The following ST6GAL2 variants were observed in gnomAD, a reference collection of about 807,000 sequenced individuals.
The protein encoded by ST6GAL2 is ST6 beta-galactoside alpha-2,6-sialyltransferase 2, also known as beta-galactoside alpha-2,6-sialyltransferase 2.
ST6GAL2 carries 24 observed loss-of-function variants against 37.5 expected under a neutral mutation model. That is an observed-to-expected ratio of 0.64 (90% CI 0.46 to 0.90). The LOEUF is 0.90. Ranked by LOEUF, ST6GAL2 falls within the 40% of genes least tolerant of loss-of-function variation. The probability of loss-of-function intolerance (pLI) is 0.00; values close to 1 mark genes in which losing one functional copy is unlikely to be tolerated. For missense variants in ST6GAL2, 715 were observed against 712.7 expected (o/e 1.00, Z -0.04); for synonymous variants, 306 against 295.1 (o/e 1.04, Z -0.38).
intron 5 of ST6GAL2, among the ~76,000 whole-genome samples, chr2:106,824,336 A>G (rs539237238): frequency 6.6e-6 from 1 of 152,364 alleles, no homozygotes; most frequent in African/African-American, 2.4e-5. Context: ...TAAAACATCC[A>G]ATAATGCTGG....
At position 106,874,605 on chromosome 2, in the gene ST6GAL2, A is replaced by G. The variant is rs539759199; in HGVS notation, c.-58+11488T>C. ...AGGAGGGGCAAGAGTGTATGGAGACATCTGTAAAATAAATTCTAATATAAA... is the reference window on the plus strand; with the variant it reads ...AGGAGGGGCAAGAGTGTATGGAGACGTCTGTAAAATAAATTCTAATATAAA... On this transcript the variant is annotated intron_variant, in intron 1 of 5. Transcript: ENST00000409382. 9.8e-5 allele frequency among the ~76,000 whole-genome samples: 15 copies of G among 152,302 alleles called. No individual in the cohort carries two copies. The South Asian group carries it at 3.1e-3, about 32-fold the overall frequency.
At chr2:106,814,812 C>T (rs1675741249) in intron 5 of ST6GAL2, among the ~76,000 whole-genome samples, 1 of 152,166 alleles carries the variant, frequency 6.6e-6, no homozygotes, top group Non-Finnish European at 1.5e-5. Context: ...TAAATTATTC[C>T]TTATCCTCAG....
intron 5 of ST6GAL2, among the ~76,000 whole-genome samples, chr2:106,814,070 A>G (rs1402004693): frequency 1.3e-5 from 2 of 152,214 alleles, no homozygotes; most frequent in Non-Finnish European, 2.9e-5. Flanking sequence ...GGAAATTTGA[A>G]CCTGATGTAA....
rs147939722 is a variant in ST6GAL2 at position 106,850,843 on chromosome 2, C to T, written c.-57-6809G>A. ...TATAATTATACAACTTAAAGAAAGTCGTCGGTAATACTCACTGCCATATCC... is the reference window on the plus strand; with the variant it reads ...TATAATTATACAACTTAAAGAAAGTTGTCGGTAATACTCACTGCCATATCC... On this transcript the variant is annotated intron_variant, in intron 1 of 5. Transcript: ENST00000409382. Among the ~76,000 whole-genome samples the T allele has an allele frequency of 2.7e-4, 41 of 152,226 alleles. 2 individuals are homozygous for T. In the East Asian group the frequency reaches 7.7e-3, roughly 29 times the overall value.
chr2:106,823,843 A>G (rs2104447534), intron 5 of ST6GAL2, among the ~76,000 whole-genome samples: 1 of 152,290 alleles, frequency 6.6e-6, no homozygotes, highest in Middle Eastern at 3.4e-3. Flanking sequence ...GTGTCTTCAC[A>G]CAGTGGAAGA....
chr2:106,880,231 G>A (rs1678692611), intron 1 of ST6GAL2, among the ~76,000 whole-genome samples: 1 of 152,008 alleles, frequency 6.6e-6, no homozygotes, highest in South Asian at 2.1e-4. Flanking sequence ...TATGTCTATA[G>A]TGATTAAAAG....
intron 1 of ST6GAL2, among the ~76,000 whole-genome samples, chr2:106,866,718 A>G (rs1678040965): frequency 6.6e-6 from 1 of 152,210 alleles, no homozygotes; most frequent in African/African-American, 2.4e-5. Context: ...CCAAATGGTG[A>G]CACAGAAGGA....
At chr2:106,825,545 T>C (rs1450652989) in intron 5 of ST6GAL2, among the ~76,000 whole-genome samples, 1 of 152,270 alleles carries the variant, frequency 6.6e-6, no homozygotes, top group Non-Finnish European at 1.5e-5. Context: ...TTTACTAGCA[T>C]ACAAACCTTT....
chr2:106,847,350 T>C (rs1677184257), intron 1 of ST6GAL2, among the ~76,000 whole-genome samples: 1 of 152,264 alleles, frequency 6.6e-6, no homozygotes, highest in African/African-American at 2.4e-5. Context: ...TGAGCTGTAA[T>C]GACCAACATA....
chr2:106,843,329 G>C lies in ST6GAL2; in HGVS notation c.649C>G (p.Leu217Val), dbSNP rs1573258571. 6.2e-7 allele frequency: 1 copy of C among 1,613,944 alleles called. No individual in the cohort carries two copies. Among genetic ancestry groups the C allele is most frequent in the African/African-American group, 1.3e-5 (1 of 74,950 alleles). ...LWKGNVSSKMLNPRLQKAMKD... is the reference protein window; with the variant it reads ...LWKGNVSSKMVNPRLQKAMKD... ...ATCGCCTTCTGCAGGCGCGGGTTCA[G>C]CATTTTGGAAGAGACGTTCCCCTTC... The change falls in exon 2 of 6, where the codon CTG (leucine) becomes GTG (valine). Residue 217 changes from leucine (L) to valine (V), a missense_variant. Leu to Val is a conservative substitution (Grantham distance 32). This residue lies in a region of ST6GAL2 where 512 missense variants were observed against 488.8 expected (regional missense o/e 1.05). Coordinates refer to ENST00000409382, the MANE Select transcript of ST6GAL2 (RefSeq NM_001142351.2).
intron 2 of ST6GAL2, among the ~76,000 whole-genome samples, chr2:106,840,939 A>G (rs1676854795): frequency 6.6e-6 from 1 of 152,220 alleles, no homozygotes; most frequent in Non-Finnish European, 1.5e-5. Flanking sequence ...ATTGGCTCTC[A>G]GAAATGAGAA....
intron 1 of ST6GAL2, among the ~76,000 whole-genome samples, chr2:106,871,888 A>G (rs1678284496): frequency 6.6e-6 from 1 of 152,384 alleles, no homozygotes; most frequent in Non-Finnish European, 1.5e-5. Flanking sequence ...AAAGAACGAT[A>G]GAAGTATAGT....
In ST6GAL2 at chr2:106,802,881, C is replaced by G. The variant is rs939150032; in HGVS notation, c.*3797G>C. 6.6e-6 allele frequency: 1 copy of G among 152,162 alleles called. No homozygotes were observed. The highest frequency in any genetic ancestry group is 2.1e-4 in the South Asian group (1 of 4,814). The allele number at this position is 152,162 out of a possible 1,614,324, so 9.4% of individuals were successfully genotyped here. On this transcript the variant is annotated 3_prime_UTR_variant, in exon 6 of 6. Coordinates refer to ENST00000409382, the MANE Select transcript of ST6GAL2 (RefSeq NM_001142351.2). ...GCAGAAATTCAACCAAGTAACTGAC[C>G]ACATGTACTGTGTGTTGATCTATAA...
At chr2:106,830,033 C>A in intron 5 of ST6GAL2, 33 bp downstream of exon 5, 1 of 1,599,226 alleles carries the variant, frequency 6.3e-7, no homozygotes, top group Non-Finnish European at 8.6e-7. Flanking sequence ...CTGTCTGCCC[C>A]CCAATCATTC....
chr2:106,843,103 C>CCGCGGGGGTGCAGCTGG lies in ST6GAL2; in HGVS notation c.858_874dup (p.Gly292AlafsTer29). 1 of 1,549,046 alleles carries CCGCGGGGGTGCAGCTGG rather than the reference C, an allele frequency of 6.5e-7. No homozygotes were observed. The highest frequency in any genetic ancestry group is 8.7e-7 in the Non-Finnish European group (1 of 1,154,216). The stretch of plus-strand genomic sequence containing the variant: ...CATGACGACAGCGCAGCTGCGCAGG[C>CCGCGGGGGTGCAGCTGG]CGCGGGGGTGCAGCTGGCTCAGGGG... On this transcript the variant is annotated frameshift_variant, in exon 2 of 6. Coordinates refer to ENST00000409382, the MANE Select transcript of ST6GAL2 (RefSeq NM_001142351.2). LOFTEE classifies it high-confidence loss of function.
rs144539028 is a variant in ST6GAL2 at position 106,819,148 on chromosome 2, A to C, written c.1318+10918T>G. Among the ~76,000 whole-genome samples, 306 of 152,286 alleles carry C rather than the reference A, an allele frequency of 2.0e-3. 2 individuals are homozygous for C. Among genetic ancestry groups the C allele is most frequent in the Admixed American group, 3.8e-3 (58 of 15,302 alleles). Reference sequence around the variant, plus strand: ...CTAAGAGCTATTTGTCTTAAAGAGGAGGTAGAGCAAGATATAGGGGTAGAA... The same window carrying C: ...CTAAGAGCTATTTGTCTTAAAGAGGCGGTAGAGCAAGATATAGGGGTAGAA... On this transcript the variant is annotated intron_variant, in intron 5 of 5. Transcript: ENST00000409382.
At chr2:106,864,381 A>G (rs1351044105) in intron 1 of ST6GAL2, among the ~76,000 whole-genome samples, 1 of 152,156 alleles carries the variant, frequency 6.6e-6, no homozygotes, top group African/African-American at 2.4e-5. Flanking sequence ...CCTTTCCATG[A>G]CCAGTGATTG....
intron 1 of ST6GAL2, among the ~76,000 whole-genome samples, chr2:106,866,063 A>G (rs1678013306): frequency 6.6e-6 from 1 of 152,234 alleles, no homozygotes; most frequent in Non-Finnish European, 1.5e-5. Context: ...TTAAAGGCTT[A>G]TTAGGTACCA....
intron 5 of ST6GAL2, among the ~76,000 whole-genome samples, chr2:106,809,420 A>G (rs10191793): frequency 0.21 from 32,022 of 152,170 alleles, 3,906 homozygotes; most frequent in East Asian, 0.5. Flanking sequence ...CTATGAGCTA[A>G]TAACACAATG....
Sources: allele counts gnomAD v4.1 joint callset (sites outside exome capture counted in the v4.1 genomes callset), GRCh38; gene constraint gnomAD v4.1.1; regional missense constraint gnomAD v4.1.1; transcripts MANE v1.5; gene names NCBI Gene and HGNC (gene_info 2026-07-23, HGNC 2026-07-21).